Variants in DPP6 observed in about 807,000 individuals in gnomAD.
DPP6 encodes the protein A-type potassium channel modulatory protein DPP6.
In DPP6, 69 loss-of-function variants were observed where a neutral mutation model predicts 122.6. The ratio of observed to expected loss-of-function variants is 0.56; its 90% CI spans 0.46 to 0.69. The LOEUF (loss-of-function observed/expected upper bound fraction) is 0.69, where lower values mean the gene tolerates loss of function less well. Among genes scored for constraint, DPP6 ranks in the 30% least tolerant of loss-of-function variants. The probability of loss-of-function intolerance (pLI) is 0.00; values close to 1 mark genes in which losing one functional copy is unlikely to be tolerated. For synonymous variants in DPP6, 418 were observed against 433.1 expected, an observed-to-expected ratio of 0.97 and a Z score of 0.43; for missense variants, 928 against 1,116.9, an observed-to-expected ratio of 0.83 and a Z score of 2.41.
intron 1 of DPP6, among the ~76,000 whole-genome samples, chr7:154,377,065 G>A (rs773655489): frequency 5.3e-5 from 8 of 152,058 alleles, no homozygotes; most frequent in South Asian, 2.1e-4. Flanking sequence ...TGACTACTGC[G>A]TGCTTAAGAA....
At chr7:154,550,748 C>CTTT (rs35197365) in intron 4 of DPP6, among the ~76,000 whole-genome samples, 5 of 126,848 alleles carry the variant, frequency 3.9e-5, no homozygotes, top group East Asian at 2.3e-4. Flanking sequence ...AATTTTAGTT[C>CTTT]TTTTTTTTTT....
At chr7:154,817,605 TTGA>T (rs1357811733) in intron 16 of DPP6, among the ~76,000 whole-genome samples, 2 of 152,084 alleles carry the variant, frequency 1.3e-5, no homozygotes, top group Non-Finnish European at 2.9e-5. Flanking sequence ...GAGTGATCGA[TTGA>T]TGATGTCATG....
chr7:153,844,075 G>A, the DPP6 span, among the ~76,000 whole-genome samples: 1 of 152,144 alleles, frequency 6.6e-6, no homozygotes, highest in Non-Finnish European at 1.5e-5. Flanking sequence ...GAATCTTGGT[G>A]ATGTGAAACC....
At chr7:154,061,246 T>G (rs1801824833) in intron 1 of DPP6, among the ~76,000 whole-genome samples, 1 of 149,456 alleles carries the variant, frequency 6.7e-6, no homozygotes, top group Non-Finnish European at 1.5e-5. Flanking sequence ...CCGGAACTTT[T>G]GAAATGGGGA....
At chr7:154,141,072 A>G (rs1795818186) in intron 1 of DPP6, among the ~76,000 whole-genome samples, 1 of 152,194 alleles carries the variant, frequency 6.6e-6, no homozygotes, top group South Asian at 2.1e-4. Flanking sequence ...GTGAGCAGGT[A>G]TGAAGGCATC....
chr7:154,347,314 T>C (rs1056490493), intron 1 of DPP6, among the ~76,000 whole-genome samples: 26 of 152,330 alleles, frequency 1.7e-4, no homozygotes, highest in African/African-American at 6.0e-4. Context: ...TTCCCTAGCC[T>C]TGGATGAAAC....
intron 1 of DPP6, among the ~76,000 whole-genome samples, chr7:154,339,353 T>C (rs1809714930): frequency 6.6e-6 from 1 of 152,130 alleles, no homozygotes; most frequent in Non-Finnish European, 1.5e-5. Context: ...GTTTGGCCAG[T>C]GGGAACGCGG....
intron 11 of DPP6, 95 bp from the exon 12 acceptor site, chr7:154,795,750 T>A: frequency 6.6e-7 from 1 of 1,518,638 alleles, no homozygotes; most frequent in Non-Finnish European, 8.8e-7. Context: ...AGCCAAATTG[T>A]TTCCTGCACT....
chr7:154,095,652 G>A (rs1805271759), intron 1 of DPP6: 1 of 115,800 alleles, frequency 8.6e-6, no homozygotes, highest in Non-Finnish European at 1.9e-5. Context: ...ACCATTTGGA[G>A]GGGAAGATAA....
At chr7:154,461,129 T>G (rs1202910964) in intron 2 of DPP6, among the ~76,000 whole-genome samples, 1 of 152,172 alleles carries the variant, frequency 6.6e-6, no homozygotes, top group Non-Finnish European at 1.5e-5. Context: ...AAGTTTGTCT[T>G]TCTTAGATTA....
At chr7:154,484,924 T>C (rs758257462) in intron 3 of DPP6, among the ~76,000 whole-genome samples, 62 of 152,208 alleles carry the variant, frequency 4.1e-4, no homozygotes, top group Non-Finnish European at 5.9e-5. Flanking sequence ...ATATGTGCTT[T>C]ATCCTCTTCT....
At chr7:154,203,831 T>G (rs1799297537) in intron 1 of DPP6, among the ~76,000 whole-genome samples, 1 of 152,202 alleles carries the variant, frequency 6.6e-6, no homozygotes. Context: ...GTTTCCCTCC[T>G]CAAGTCGTCT....
chr7:154,619,117 C>A (rs1470060347), intron 5 of DPP6, among the ~76,000 whole-genome samples: 1 of 152,210 alleles, frequency 6.6e-6, no homozygotes, highest in Non-Finnish European at 1.5e-5. Flanking sequence ...GAGGCCTCCC[C>A]AGCCATGTGG....
chr7:154,380,898 T>G (rs1813538347), intron 1 of DPP6, among the ~76,000 whole-genome samples: 1 of 152,188 alleles, frequency 6.6e-6, no homozygotes, highest in Non-Finnish European at 1.5e-5. Flanking sequence ...CTGAGCTTCC[T>G]CATGGGGTGA....
At chr7:154,349,148 TTTTGTTGTTGTTGTTG>T (rs1342638427) in intron 1 of DPP6, among the ~76,000 whole-genome samples, 1 of 152,108 alleles carries the variant, frequency 6.6e-6, no homozygotes, top group African/African-American at 2.4e-5. Flanking sequence ...AATAGTTAAT[TTTTGTTGTTGTTGTTG>T]TTTGTTGTTG....
chr7:154,521,719 A>AC (rs1826996473), intron 3 of DPP6, among the ~76,000 whole-genome samples: 1 of 152,206 alleles, frequency 6.6e-6, no homozygotes, highest in African/African-American at 2.4e-5. Context: ...CAATGTCATT[A>AC]CTGACGTTGT....
chr7:153,871,085 T>C, the DPP6 span, among the ~76,000 whole-genome samples: 2 of 152,186 alleles, frequency 1.3e-5, no homozygotes, highest in Non-Finnish European at 2.9e-5. Context: ...CCAGTTAGGC[T>C]ATTCGGGGGT....
rs1397013605 is a variant in DPP6, at chr7:154,481,960, GT to G, written c.457+6924del. On this transcript the variant is annotated intron_variant, in intron 3 of 25. Coordinates refer to ENST00000377770, the MANE Select transcript of DPP6 (RefSeq NM_130797.4). This position sits in a 1 kb window ranked among gnomAD's most constrained non-coding sequence, Gnocchi z 4.2. The stretch of plus-strand genomic sequence containing the variant: ...CCAGCACCAGCAAAGTCCCCAGTTT[GT>G]GGCCGTCCACGAAGACTTCTTGGGC... 3.9e-5 allele frequency among the ~76,000 whole-genome samples: 6 copies of G among 152,198 alleles called. No homozygotes were observed. Among genetic ancestry groups the G allele is most frequent in the African/African-American group, 1.4e-4 (6 of 41,450 alleles).
Position 154,481,923 on chromosome 7 carries a change from A to G in DPP6, c.457+6886A>G, listed in dbSNP as rs905733853. Among the ~76,000 whole-genome samples, 1 of 152,198 alleles carries G rather than the reference A, an allele frequency of 6.6e-6. No individual in the cohort carries two copies. The highest frequency in any genetic ancestry group is 1.5e-5 in the Non-Finnish European group (1 of 68,040). On this transcript the variant is annotated intron_variant, in intron 3 of 25. Coordinates refer to ENST00000377770, the MANE Select transcript of DPP6 (RefSeq NM_130797.4). This position sits in a 1 kb window ranked among gnomAD's most constrained non-coding sequence, Gnocchi z 4.2. ...AAGGATGGGACTCGCATCTCTGTTT[A>G]CTGTGGTATCCCCAGCACCAGCAAA...
Sources: gnomAD v4.1 joint callset for allele counts (sites outside exome capture counted in the v4.1 genomes callset) on GRCh38, gnomAD v4.1.1 for gene constraint, Gnocchi (gnomAD v3.1) non-coding constraint, MANE v1.5 for transcripts, NCBI Gene and HGNC (gene_info 2026-07-23, HGNC 2026-07-21) for gene names.